C8orf34: variants seen among roughly 807,000 people sequenced by gnomAD.
C8orf34 encodes the protein chromosome 8 open reading frame 34.
In C8orf34, 65 loss-of-function variants were observed where a neutral mutation model predicts 68.3. The ratio of observed to expected loss-of-function variants is 0.95; its 90% confidence interval spans 0.78 to 1.17. The LOEUF (loss-of-function observed/expected upper bound fraction) is 1.17. Among genes scored for constraint, C8orf34 ranks in the 50% most tolerant of loss-of-function variants. The pLI is 0.00. For synonymous variants in C8orf34, 244 were observed against 241.2 expected (o/e 1.01, Z -0.11); for missense variants, 664 against 655.4 (o/e 1.01, Z -0.14).
chr8:68,439,107 A>G (rs1386634813), intron 1 of C8orf34: 1 of 153,946 alleles, frequency 6.5e-6, no homozygotes, highest in Non-Finnish European at 1.4e-5. Flanking sequence ...GATATAAGGT[A>G]GATGGTGAAG....
intron 7 of C8orf34, chr8:68,534,688 T>C (rs2129853384): frequency 1.0e-6 from 1 of 985,430 alleles, no homozygotes; most frequent in East Asian, 1.1e-4. Context: ...TGTTTTGCGA[T>C]TGTGCTCCAT....
chr8:68,461,581 A>G (rs1344310102), intron 3 of C8orf34, among the ~76,000 whole-genome samples: 5 of 152,238 alleles, frequency 3.3e-5, no homozygotes, highest in African/African-American at 1.2e-4. Flanking sequence ...CATCAGACTA[A>G]GAGCGGATCT....
At chr8:68,740,479 G>A (rs891472530) in intron 10 of C8orf34, among the ~76,000 whole-genome samples, 20 of 151,862 alleles carry the variant, frequency 1.3e-4, no homozygotes, top group African/African-American at 2.4e-4. Context: ...ATAAGCATAC[G>A]AAAAAAAAGC....
intron 7 of C8orf34, chr8:68,535,888 T>C: frequency 1.0e-6 from 1 of 979,136 alleles, no homozygotes; most frequent in Non-Finnish European, 1.2e-6. Flanking sequence ...TTATAGAAGA[T>C]ACTGAGTAAA....
At chr8:68,728,436 A>G (rs1821893323) in intron 10 of C8orf34, among the ~76,000 whole-genome samples, 1 of 152,194 alleles carries the variant, frequency 6.6e-6, no homozygotes. Flanking sequence ...ACCCAGTTCC[A>G]AAGTCGCTTC....
intron 12 of C8orf34, among the ~76,000 whole-genome samples, chr8:68,812,143 C>G (rs1046237389): frequency 1.1e-4 from 17 of 152,118 alleles, no homozygotes; most frequent in African/African-American, 3.1e-4. Flanking sequence ...ATAGAAACTT[C>G]AACTTGATGT....
intron 10 of C8orf34, 133 bp downstream of exon 10, chr8:68,721,570 G>GT (rs1281155548): frequency 4.8e-6 from 3 of 619,222 alleles, no homozygotes; most frequent in Non-Finnish European, 8.4e-6. Flanking sequence ...TGTTTCAACA[G>GT]TTGGGGAAGA....
chr8:68,516,620 C>CTATTTATATATTTATT (rs1814526993), intron 5 of C8orf34, among the ~76,000 whole-genome samples: 2 of 150,070 alleles, frequency 1.3e-5, no homozygotes, highest in African/African-American at 5.0e-5. Flanking sequence ...ACTGGGAATG[C>CTATTTATATATTTATT]TATTTATTTA....
intron 1 of C8orf34, among the ~76,000 whole-genome samples, chr8:68,403,560 G>C (rs561484654): frequency 6.6e-6 from 1 of 152,080 alleles, no homozygotes; most frequent in South Asian, 2.1e-4. Flanking sequence ...ACAGGCCTTG[G>C]TGTGTGATGT....
At chr8:68,335,237 C>G (rs780731651) in intron 1 of C8orf34, among the ~76,000 whole-genome samples, 27 of 152,024 alleles carry the variant, frequency 1.8e-4, no homozygotes, top group Non-Finnish European at 3.2e-4. Context: ...AAATACCCCT[C>G]CAGAAAGATA....
chr8:68,348,064 A>G (rs1806355854), intron 1 of C8orf34, among the ~76,000 whole-genome samples: 1 of 151,902 alleles, frequency 6.6e-6, no homozygotes, highest in African/African-American at 2.4e-5. Flanking sequence ...GGTATTACCT[A>G]TGTTGTCTTC....
intron 10 of C8orf34, among the ~76,000 whole-genome samples, chr8:68,747,408 T>A (rs1277340552): frequency 6.7e-6 from 1 of 149,204 alleles, no homozygotes; most frequent in Non-Finnish European, 1.5e-5. Flanking sequence ...GAGAAGGAAA[T>A]AAAGGGTATT....
At chr8:68,803,338 A>G (rs118002355) in intron 12 of C8orf34, among the ~76,000 whole-genome samples, 3,602 of 152,216 alleles carry the variant, frequency 0.024, 68 homozygotes, top group Middle Eastern at 0.075. Context: ...GAAATGTATT[A>G]CCAGATTAAT....
chr8:68,439,667 C>G, intron 2 of C8orf34, 21 bp downstream of exon 2: 1 of 1,593,838 alleles, frequency 6.3e-7, no homozygotes, highest in Non-Finnish European at 8.5e-7. Flanking sequence ...AATGTCTATG[C>G]AGTTAATTTG....
chr8:68,604,122 G>A (rs1052629430), intron 7 of C8orf34, among the ~76,000 whole-genome samples: 10 of 152,088 alleles, frequency 6.6e-5, no homozygotes, highest in South Asian at 4.1e-4. Flanking sequence ...AAGATGAAGC[G>A]GAAATGAGAA....
At chr8:68,722,945 T>C (rs776704540) in intron 10 of C8orf34, among the ~76,000 whole-genome samples, 61 of 152,086 alleles carry the variant, frequency 4.0e-4, no homozygotes, top group Non-Finnish European at 7.5e-4. Context: ...TCTCTTACCT[T>C]GGCATTTTCA....
At chr8:68,686,328 A>G (rs560841180) in intron 8 of C8orf34, among the ~76,000 whole-genome samples, 1 of 152,222 alleles carries the variant, frequency 6.6e-6, no homozygotes, top group East Asian at 1.9e-4. Context: ...GGACTTTACA[A>G]AAAAAGAAAA....
chr8:68,594,498 A>G (rs541595549), intron 7 of C8orf34, among the ~76,000 whole-genome samples: 9 of 152,190 alleles, frequency 5.9e-5, no homozygotes, highest in African/African-American at 1.9e-4. Context: ...TGTTACATGC[A>G]TATATTATGT....
intron 8 of C8orf34, among the ~76,000 whole-genome samples, chr8:68,685,746 T>C (rs564889867): frequency 6.6e-6 from 1 of 151,888 alleles, no homozygotes; most frequent in South Asian, 2.1e-4. Flanking sequence ...CGTGGACATA[T>C]GTGCCTGTAC....
Sources: allele counts gnomAD v4.1 joint callset (sites outside exome capture counted in the v4.1 genomes callset), GRCh38; gene constraint gnomAD v4.1.1; transcripts MANE v1.5; gene names NCBI Gene and HGNC (gene_info 2026-07-23, HGNC 2026-07-21).